Variants in ST6GALNAC3 observed in about 807,000 individuals in gnomAD.
The protein encoded by ST6GALNAC3 is alpha-N-acetylgalactosaminide alpha-2,6-sialyltransferase 3.
ST6GALNAC3 carries 25 observed loss-of-function variants against 32.7 expected under a neutral mutation model. That is an observed-to-expected ratio of 0.76 (90% CI 0.56 to 1.07). The LOEUF is 1.07. Ranked by LOEUF, ST6GALNAC3 falls within the 50% of genes least tolerant of loss-of-function variation. The pLI, the probability that ST6GALNAC3 is intolerant of heterozygous loss-of-function variation, is 0.00. For missense variants in ST6GALNAC3, 355 were observed against 382.4 expected (o/e 0.93, Z 0.60); for synonymous variants, 129 against 133.1 (o/e 0.97, Z 0.21).
chr1:76,446,760 C>T (rs1276737531), intron 3 of ST6GALNAC3, among the ~76,000 whole-genome samples: 2 of 152,170 alleles, frequency 1.3e-5, no homozygotes, highest in African/African-American at 2.4e-5. Flanking sequence ...CCTGCCCAAG[C>T]TTTTTCTTTG....
At chr1:76,259,125 G>T (rs116202803) in intron 1 of ST6GALNAC3, among the ~76,000 whole-genome samples, 1 of 152,106 alleles carries the variant, frequency 6.6e-6, no homozygotes. Flanking sequence ...AATCATGACA[G>T]CTGAAATGGT....
intron 2 of ST6GALNAC3, among the ~76,000 whole-genome samples, chr1:76,408,240 TATC>T (rs1270426184): frequency 2.0e-5 from 3 of 152,028 alleles, no homozygotes; most frequent in Non-Finnish European, 4.4e-5. Flanking sequence ...ATAGAGCAAT[TATC>T]ATGTTCATCC....
intron 1 of ST6GALNAC3, among the ~76,000 whole-genome samples, chr1:76,252,544 G>GC (rs1220093428): frequency 3.3e-5 from 5 of 152,010 alleles, no homozygotes; most frequent in Middle Eastern, 3.4e-3. Flanking sequence ...CTTGAGGATG[G>GC]CCCCCCCTTT....
At chr1:76,112,476 CCCCACCTCCCTTCCAGAT>C (rs1172878910) in intron 1 of ST6GALNAC3, among the ~76,000 whole-genome samples, 11 of 151,116 alleles carry the variant, frequency 7.3e-5, no homozygotes, top group African/African-American at 2.7e-4. Context: ...GGGCTAACCT[CCCCACCTCCCTTCCAGAT>C]GGGGCGGCTG....
intron 3 of ST6GALNAC3, among the ~76,000 whole-genome samples, chr1:76,590,382 C>T (rs1056606786): frequency 5.3e-5 from 8 of 152,160 alleles, no homozygotes; most frequent in African/African-American, 2.4e-5. Context: ...CAGTAAATTG[C>T]AAATATCAGA....
At chr1:76,170,199 G>A (rs1309593673) in intron 1 of ST6GALNAC3, among the ~76,000 whole-genome samples, 2 of 152,186 alleles carry the variant, frequency 1.3e-5, no homozygotes, top group Non-Finnish European at 2.9e-5. Flanking sequence ...CCCAAGGTTA[G>A]GAATCCACTG....
chr1:76,487,338 T>C (rs1660190723), intron 3 of ST6GALNAC3, among the ~76,000 whole-genome samples: 1 of 152,184 alleles, frequency 6.6e-6, no homozygotes, highest in Non-Finnish European at 1.5e-5. Flanking sequence ...CTTGGTTCCA[T>C]TCTCCCCGTC....
intron 1 of ST6GALNAC3, among the ~76,000 whole-genome samples, chr1:76,243,381 A>C (rs1657077340): frequency 6.6e-6 from 1 of 151,926 alleles, no homozygotes; most frequent in Non-Finnish European, 1.5e-5. Flanking sequence ...AGATTGCAAA[A>C]ATTTTCTCCC....
intron 2 of ST6GALNAC3, among the ~76,000 whole-genome samples, chr1:76,410,421 A>ACT (rs1214507460): frequency 2.0e-5 from 3 of 151,532 alleles, no homozygotes; most frequent in Non-Finnish European, 2.9e-5. Flanking sequence ...TACTCCACCA[A>ACT]CTCTCTCTCT....
chr1:76,308,591 A>G (rs958986905), intron 1 of ST6GALNAC3, among the ~76,000 whole-genome samples: 4 of 152,202 alleles, frequency 2.6e-5, no homozygotes, highest in Non-Finnish European at 5.9e-5. Flanking sequence ...GTAAACAGGT[A>G]GAGTCTTCTA....
chr1:76,320,985 T>C (rs917691230), intron 2 of ST6GALNAC3, among the ~76,000 whole-genome samples: 2 of 145,056 alleles, frequency 1.4e-5, no homozygotes, highest in South Asian at 2.2e-4. Flanking sequence ...CACACACACA[T>C]TATATATATA....
chr1:76,528,328 G>T (rs1469150621), intron 3 of ST6GALNAC3, among the ~76,000 whole-genome samples: 2 of 152,172 alleles, frequency 1.3e-5, no homozygotes, highest in African/African-American at 4.8e-5. Flanking sequence ...CTGACACTCA[G>T]AGAGATTGAG....
chr1:76,086,359 G>GT (rs1166536131), intron 1 of ST6GALNAC3, among the ~76,000 whole-genome samples: 1 of 151,942 alleles, frequency 6.6e-6, no homozygotes, highest in South Asian at 2.1e-4. Flanking sequence ...AAAGACGATA[G>GT]TTTTTTTTCG....
At chr1:76,076,849 C>G (rs1646823043) in intron 1 of ST6GALNAC3, among the ~76,000 whole-genome samples, 1 of 152,124 alleles carries the variant, frequency 6.6e-6, no homozygotes, top group Non-Finnish European at 1.5e-5. Flanking sequence ...GAGATTTGCC[C>G]AAGGCCACAC....
At chr1:76,461,065 A>G (rs1412046922) in intron 3 of ST6GALNAC3, among the ~76,000 whole-genome samples, 1 of 152,202 alleles carries the variant, frequency 6.6e-6, no homozygotes, top group Non-Finnish European at 1.5e-5. Context: ...TCATAGTTCA[A>G]AAAGATCCAA....
At chr1:76,235,801 C>A (rs1656622647) in intron 1 of ST6GALNAC3, among the ~76,000 whole-genome samples, 1 of 148,944 alleles carries the variant, frequency 6.7e-6, no homozygotes, top group Non-Finnish European at 1.5e-5. Context: ...TTTTCTTTCT[C>A]AGGGCTCCTG....
intron 3 of ST6GALNAC3, among the ~76,000 whole-genome samples, chr1:76,422,393 C>T (rs566742452): frequency 1.3e-5 from 2 of 152,082 alleles, no homozygotes; most frequent in South Asian, 4.2e-4. Flanking sequence ...GCTGTCTTAT[C>T]CAAGAGATCA....
intron 1 of ST6GALNAC3, among the ~76,000 whole-genome samples, chr1:76,261,649 G>A (rs1557735432): frequency 2.0e-5 from 3 of 152,218 alleles, no homozygotes; most frequent in Admixed American, 2.0e-4. Flanking sequence ...TAATGTGCAT[G>A]CAGGGCTGAG....
chr1:76,079,475 G>A (rs1361551587), intron 1 of ST6GALNAC3, among the ~76,000 whole-genome samples: 2 of 152,022 alleles, frequency 1.3e-5, no homozygotes, highest in Admixed American at 1.3e-4. Context: ...TTTTATATTG[G>A]AAGTGGACAT....
Sources: allele counts gnomAD v4.1 joint callset (sites outside exome capture counted in the v4.1 genomes callset), GRCh38; gene constraint gnomAD v4.1.1; transcripts MANE v1.5; gene names NCBI Gene and HGNC (gene_info 2026-07-23, HGNC 2026-07-21).